Variants in MYO16 observed in about 807,000 individuals in gnomAD.
MYO16 encodes unconventional myosin-XVI.
Under a neutral mutation model 205.3 loss-of-function variants are expected in MYO16, and 94 were observed. The ratio of observed to expected loss-of-function variants is 0.46; its 90% CI spans 0.39 to 0.54. The LOEUF is 0.54. Among genes scored for constraint, MYO16 ranks in the 20% least tolerant of loss-of-function variants. The pLI is 0.00. For missense variants in MYO16, 2,315 were observed against 2,387.5 expected, an observed-to-expected ratio of 0.97 and a Z score of 0.63; for synonymous variants, 988 against 954.0, an observed-to-expected ratio of 1.04 and a Z score of -0.66.
At chr13:108,975,625 A>G (rs1031953287) in intron 20 of MYO16, among the ~76,000 whole-genome samples, 1 of 152,116 alleles carries the variant, frequency 6.6e-6, no homozygotes, top group African/African-American at 2.4e-5. Context: ...TTTCCCAGCC[A>G]TGCTTCCTTA....
At chr13:108,829,782 T>C (rs1176290366) in intron 9 of MYO16, among the ~76,000 whole-genome samples, 1 of 152,134 alleles carries the variant, frequency 6.6e-6, no homozygotes, top group Non-Finnish European at 1.5e-5. Flanking sequence ...TATAAGGCAG[T>C]GTGCCCCTTT....
chr13:108,661,368 A>G (rs748736277), intron 1 of MYO16, among the ~76,000 whole-genome samples: 6 of 151,970 alleles, frequency 3.9e-5, no homozygotes, highest in South Asian at 2.1e-4. Flanking sequence ...TTATTCCTCC[A>G]TATATGTTTT....
intron 27 of MYO16, among the ~76,000 whole-genome samples, chr13:109,085,004 T>C (rs1888394880): frequency 6.6e-6 from 1 of 152,166 alleles, no homozygotes; most frequent in Non-Finnish European, 1.5e-5. Context: ...TTAAGACCAC[T>C]TAAAATGAGC....
chr13:108,771,718 C>T (rs1401942422), intron 4 of MYO16, among the ~76,000 whole-genome samples: 1 of 152,160 alleles, frequency 6.6e-6, no homozygotes, highest in East Asian at 1.9e-4. Context: ...TTATCTTTTC[C>T]AGAATGCTGT....
At chr13:108,943,582 G>T (rs974667516) in intron 16 of MYO16, among the ~76,000 whole-genome samples, 2 of 151,898 alleles carry the variant, frequency 1.3e-5, no homozygotes, top group African/African-American at 4.8e-5. Context: ...CTCCCAAGTC[G>T]CTGGGATTAC....
Position 109,118,544 on chromosome 13 carries a change from T to C in MYO16, c.3439-1826T>C, listed in dbSNP as rs536340559. On this transcript the variant is annotated intron_variant, in intron 28 of 34. Transcript: ENST00000457511. ...TGATCATTATTGATCCCATCCATTGTGGAGCATCACCAGCCATCATTCCTT... is the reference window on the plus strand; with the variant it reads ...TGATCATTATTGATCCCATCCATTGCGGAGCATCACCAGCCATCATTCCTT... Among the ~76,000 whole-genome samples the C allele has an allele frequency of 2.6e-5, 4 of 152,354 alleles. 1 individual carries two copies. The South Asian group carries it at 8.3e-4, about 32-fold the overall frequency.
chr13:109,123,712 A>T (rs1876107226), intron 29 of MYO16, among the ~76,000 whole-genome samples: 1 of 152,202 alleles, frequency 6.6e-6, no homozygotes, highest in Non-Finnish European at 1.5e-5. Flanking sequence ...CGCTTTCAGC[A>T]TTTCAGATAT....
At chr13:108,647,817 T>C (rs1370335971) in intron 1 of MYO16, among the ~76,000 whole-genome samples, 1 of 152,202 alleles carries the variant, frequency 6.6e-6, no homozygotes, top group East Asian at 1.9e-4. Context: ...CTTGTAACCA[T>C]CAAATGTCTA....
intron 28 of MYO16, among the ~76,000 whole-genome samples, chr13:109,112,117 T>A (rs2139739852): frequency 6.6e-6 from 1 of 152,278 alleles, no homozygotes; most frequent in South Asian, 2.1e-4. Context: ...TTCACATTGG[T>A]TTTCTGCTTC....
At chr13:109,042,249 A>G (rs938597206) in intron 23 of MYO16, among the ~76,000 whole-genome samples, 11 of 152,240 alleles carry the variant, frequency 7.2e-5, no homozygotes, top group African/African-American at 2.2e-4. Context: ...GGAATCGAGT[A>G]GTATTTTATC....
At chr13:109,183,031 C>T (rs889932509) in intron 34 of MYO16, among the ~76,000 whole-genome samples, 1 of 152,024 alleles carries the variant, frequency 6.6e-6, no homozygotes, top group Non-Finnish European at 1.5e-5. Flanking sequence ...GTGGCAGTTC[C>T]CAGGACTCAA....
At chr13:108,844,277 T>G in intron 9 of MYO16, 66 bp from the exon 10 acceptor site, 1 of 1,382,348 alleles carries the variant, frequency 7.2e-7, no homozygotes, top group Non-Finnish European at 9.9e-7. Context: ...TATCCTGTAT[T>G]GGTAATTTTC....
intron 4 of MYO16, among the ~76,000 whole-genome samples, chr13:108,775,517 G>T (rs1044398337): frequency 1.2e-4 from 18 of 151,632 alleles, no homozygotes; most frequent in South Asian, 2.1e-4. Context: ...TGGAGTTTTG[G>T]TTTTTTTTAA....
intron 1 of MYO16, among the ~76,000 whole-genome samples, chr13:108,643,724 C>T (rs7987792): frequency 0.078 from 11,857 of 152,118 alleles, 839 homozygotes; most frequent in African/African-American, 0.19. Context: ...TATTTGTTTC[C>T]AGTTTGGGGC....
intron 11 of MYO16, among the ~76,000 whole-genome samples, chr13:108,861,793 T>G (rs1878461616): frequency 6.6e-6 from 1 of 152,138 alleles, no homozygotes; most frequent in Admixed American, 6.6e-5. Flanking sequence ...TAAAATTGGG[T>G]TTTCTTTCTT....
At chr13:108,629,207 T>C (rs1320722965), upstream of MYO16, 2 of 152,136 alleles carry the variant, frequency 1.3e-5, no homozygotes, top group African/African-American at 4.8e-5. Flanking sequence ...ATAATGCAAG[T>C]TTTTCATTAC....
chr13:109,188,712 C>T (rs1049021444), intron 34 of MYO16, among the ~76,000 whole-genome samples: 4 of 152,130 alleles, frequency 2.6e-5, no homozygotes, highest in Non-Finnish European at 4.4e-5. Context: ...GTCTTTAATC[C>T]GTGACCAAAG....
intron 23 of MYO16, among the ~76,000 whole-genome samples, chr13:109,038,672 T>C (rs913390247): frequency 1.3e-5 from 2 of 152,174 alleles, no homozygotes; most frequent in Admixed American, 1.3e-4. Context: ...ACAAAGCTTT[T>C]GTATTCATTT....
intron 4 of MYO16, among the ~76,000 whole-genome samples, chr13:108,731,537 G>GA: frequency 6.6e-6 from 1 of 152,008 alleles, no homozygotes; most frequent in Non-Finnish European, 1.5e-5. Context: ...AATTGAGGGG[G>GA]AAAAAAACTA....
Sources: gnomAD v4.1 joint callset for allele counts (sites outside exome capture counted in the v4.1 genomes callset) on GRCh38, gnomAD v4.1.1 for gene constraint, MANE v1.5 for transcripts, NCBI Gene and HGNC (gene_info 2026-07-23, HGNC 2026-07-21) for gene names.